The following RYR3 variants were observed in gnomAD, a reference collection of about 807,000 sequenced individuals.
RYR3 encodes ryanodine receptor 3.
A neutral mutation model predicts 584.3 loss-of-function variants in RYR3; 207 were observed. The ratio of observed to expected loss-of-function variants is 0.35; its 90% CI spans 0.32 to 0.40. The LOEUF (loss-of-function observed/expected upper bound fraction) is 0.40. Ranked by LOEUF, RYR3 falls within the 10% of genes least tolerant of loss-of-function variation. The pLI is 1.00. For missense variants in RYR3, 5,616 were observed against 6,089.2 expected, an observed-to-expected ratio of 0.92 and a Z score of 2.59; for synonymous variants, 2,416 against 2,248.5, an observed-to-expected ratio of 1.07 and a Z score of -2.11.
chr15:33,620,205 G>A (rs1183288315), intron 19 of RYR3, among the ~76,000 whole-genome samples: 1 of 152,102 alleles, frequency 6.6e-6, no homozygotes, highest in African/African-American at 2.4e-5. Context: ...TCTTTTCCAT[G>A]CAGCCCTTTC....
chr15:33,465,383 T>G (rs1176597654), intron 1 of RYR3, among the ~76,000 whole-genome samples: 1 of 152,196 alleles, frequency 6.6e-6, no homozygotes, highest in African/African-American at 2.4e-5. Flanking sequence ...TTCCGTAACT[T>G]CTGTACCAAT....
At chr15:33,497,448 T>C (rs1055348608) in intron 2 of RYR3, among the ~76,000 whole-genome samples, 19 of 152,186 alleles carry the variant, frequency 1.2e-4, no homozygotes, top group Non-Finnish European at 2.2e-4. Flanking sequence ...CTTCTCAAGA[T>C]TTTAAAAATC....
intron 36 of RYR3, among the ~76,000 whole-genome samples, chr15:33,666,489 C>G (rs1258640723): frequency 6.6e-6 from 1 of 152,190 alleles, no homozygotes; most frequent in East Asian, 1.9e-4. Flanking sequence ...TACAAGGCAC[C>G]TACCCATAGA....
chr15:33,791,372 AC>A, intron 67 of RYR3, among the ~76,000 whole-genome samples: 1 of 152,092 alleles, frequency 6.6e-6, no homozygotes, highest in Non-Finnish European at 1.5e-5. Flanking sequence ...ACACACACAC[AC>A]ACACACACAC....
rs553237262 is a variant in RYR3 at position 33,484,195 on chromosome 15, C to T, written c.171+10657C>T. On this transcript the variant is annotated intron_variant, in intron 2 of 103. Coordinates refer to ENST00000634891, the MANE Select transcript of RYR3 (RefSeq NM_001036.6). ...AATGAAGAAGAGAAAAAAAAAATGA[C>T]GGTTGAAGTAGAATTGAAGTCTTAT... Among the ~76,000 whole-genome samples the T allele has an allele frequency of 2.8e-4, 42 of 151,240 alleles. No homozygotes were observed. The East Asian group carries it at 7.2e-3, about 26-fold the overall frequency.
In RYR3 at chr15:33,432,668, TTGTGTGTGTGTG is replaced by T. The variant is rs58292418; in HGVS notation, c.52-40733_52-40722del. On this transcript the variant is annotated intron_variant, in intron 1 of 103. Coordinates refer to ENST00000634891, the MANE Select transcript of RYR3 (RefSeq NM_001036.6). Reference sequence around the variant, plus strand: ...GGTGCCCACGACCACGCCTAGCTAATTGTGTGTGTGTGTGTGTGTGTGTGTGTGTTTAAAGTA... The same window carrying T: ...GGTGCCCACGACCACGCCTAGCTAATTGTGTGTGTGTGTGTGTTTAAAGTA... Among the ~76,000 whole-genome samples the T allele has an allele frequency of 2.7e-4, 36 of 132,196 alleles. No individual in the cohort carries two copies. The South Asian group carries it at 7.5e-3, about 27-fold the overall frequency. 86.7% of individuals were successfully genotyped at this position (132,196 alleles called of 152,430 possible).
At chr15:33,815,791 C>G in intron 74 of RYR3, 1 of 398,406 alleles carries the variant, frequency 2.5e-6, no homozygotes, top group Admixed American at 4.4e-5. Flanking sequence ...GAAACTGTCT[C>G]TGATGCTAGT....
rs1263970837 is a variant in RYR3, at chr15:33,628,562, G to A, written c.2666G>A (p.Trp889Ter). The A allele has an allele frequency of 6.2e-7, 1 of 1,611,512 alleles. No homozygotes were observed. The highest frequency in any genetic ancestry group is 8.5e-7 in the Non-Finnish European group (1 of 1,177,852). Residue 889 changes from tryptophan to a stop codon, truncating the protein, a stop_gained, in exon 21 of 104, where the codon TGG becomes TAG. Transcript: ENST00000634891. LOFTEE classifies it high-confidence loss of function. ...GGAATGAATAAAATAGAACTTGGCT[G>A]GACTTTCGGCAAGGTATGTGTCTCA... is the stretch of plus-strand genomic sequence containing the variant. ...LWGMNKIELG[W>*]TFGKIRDDNK... is the part of the protein sequence containing the mutation.
At chr15:33,553,129 T>C (rs77303355) in intron 10 of RYR3, among the ~76,000 whole-genome samples, 1,700 of 152,200 alleles carry the variant, frequency 0.011, 28 homozygotes, top group African/African-American at 0.039. Flanking sequence ...CTGTTTTCTA[T>C]GGGACTGGGG....
At chr15:33,376,723 G>C (rs192458986) in intron 1 of RYR3, among the ~76,000 whole-genome samples, 1 of 152,334 alleles carries the variant, frequency 6.6e-6, no homozygotes, top group East Asian at 1.9e-4. Flanking sequence ...GTTTTCCTCT[G>C]TGTTCTCTTC....
intron 38 of RYR3, 21 bp from the exon 39 acceptor site, chr15:33,696,197 T>C (rs755237839): frequency 6.2e-7 from 1 of 1,608,214 alleles, no homozygotes; most frequent in Non-Finnish European, 8.5e-7. Flanking sequence ...ACAGTCCTGC[T>C]CCCTCCTGTT....
intron 1 of RYR3, among the ~76,000 whole-genome samples, chr15:33,427,214 T>G (rs779888316): frequency 2.6e-5 from 4 of 152,184 alleles, no homozygotes; most frequent in Non-Finnish European, 5.9e-5. Flanking sequence ...GTATTCACTC[T>G]AAAAGTACAG....
At chr15:33,544,155 G>T (rs546684499) in intron 8 of RYR3, among the ~76,000 whole-genome samples, 2 of 152,242 alleles carry the variant, frequency 1.3e-5, no homozygotes, top group African/African-American at 4.8e-5. Context: ...AGGGCGCTGT[G>T]CCAAGGACGA....
chr15:33,860,555 C>T (rs2303309), intron 100 of RYR3, 40 bp from the exon 101 acceptor site: 2 of 1,294,958 alleles, frequency 1.5e-6, no homozygotes, highest in African/African-American at 1.4e-5. Flanking sequence ...ACCCCTGAAC[C>T]ACTACACAGA....
chr15:33,664,278 T>A (rs375246979), intron 36 of RYR3, among the ~76,000 whole-genome samples: 4 of 152,086 alleles, frequency 2.6e-5, no homozygotes, highest in East Asian at 1.9e-4. Flanking sequence ...ATCTTTGTGA[T>A]TTGTTGTATT....
intron 1 of RYR3, among the ~76,000 whole-genome samples, chr15:33,336,724 G>A (rs539311106): frequency 3.2e-4 from 48 of 151,690 alleles, no homozygotes; most frequent in Non-Finnish European, 5.6e-4. Context: ...ATCTAAGAAT[G>A]CCTGTGACGT....
rs2054885004 is a variant in RYR3 at position 33,531,658 on chromosome 15, T to A, written c.354+992T>A. ...ATATATATATATATATTTTTTTTTC[T>A]GAGCACTGGTAAGAGGCTGACCTTT... is the stretch of plus-strand genomic sequence containing the variant. On this transcript the variant is annotated intron_variant, in intron 4 of 103. Transcript: ENST00000634891. Among the ~76,000 whole-genome samples, 3 of 148,486 alleles carry A rather than the reference T, an allele frequency of 2.0e-5. No individual in the cohort carries two copies. In the Admixed American group the frequency reaches 2.1e-4, roughly 10 times the overall value.
At chr15:33,848,558 A>G in intron 94 of RYR3, 137 bp downstream of exon 94, 1 of 922,532 alleles carries the variant, frequency 1.1e-6, no homozygotes, top group South Asian at 1.9e-5. Context: ...TTGCCTCTTC[A>G]ATAAAGCCAC....
chr15:33,747,226 T>A (rs966392370), intron 53 of RYR3, among the ~76,000 whole-genome samples: 1 of 152,286 alleles, frequency 6.6e-6, no homozygotes, highest in Non-Finnish European at 1.5e-5. Context: ...ACGTATTTGG[T>A]TTAACTCAAC....
Sources: allele counts gnomAD v4.1 joint callset (sites outside exome capture counted in the v4.1 genomes callset), GRCh38; gene constraint gnomAD v4.1.1; transcripts MANE v1.5; gene names NCBI Gene and HGNC (gene_info 2026-07-23, HGNC 2026-07-21).